IRAK3: variants seen among roughly 807,000 people sequenced by gnomAD.
The protein encoded by IRAK3 is interleukin 1 receptor associated kinase 3, also known as interleukin-1 receptor-associated kinase 3.
IRAK3 carries 57 observed loss-of-function variants against 56.6 expected under a neutral mutation model. The observed-to-expected ratio is 1.01, with a 90% CI of 0.81 to 1.26. The LOEUF (loss-of-function observed/expected upper bound fraction) is 1.26, where lower values mean the gene tolerates loss of function less well. Ranked by LOEUF, IRAK3 falls within the 50% of genes most tolerant of loss-of-function variation. The pLI is 0.00. For synonymous variants in IRAK3, 258 were observed against 255.7 expected (o/e 1.01, Z -0.09); for missense variants, 703 against 719.0 (o/e 0.98, Z 0.25).
chr12:66,222,268 G>A (rs939917927), intron 6 of IRAK3, among the ~76,000 whole-genome samples: 1 of 152,088 alleles, frequency 6.6e-6, no homozygotes, highest in East Asian at 1.9e-4. Context: ...TTCTTTAAAT[G>A]CTTGTTAGAA....
intron 5 of IRAK3, among the ~76,000 whole-genome samples, chr12:66,216,657 C>T (rs1325416936): frequency 6.6e-6 from 1 of 152,280 alleles, no homozygotes; most frequent in Non-Finnish European, 1.5e-5. Context: ...AGGCTCTGGG[C>T]TATCTTCTAA....
At chr12:66,220,440 A>G (rs2052718941) in intron 6 of IRAK3, among the ~76,000 whole-genome samples, 1 of 146,662 alleles carries the variant, frequency 6.8e-6, no homozygotes. Flanking sequence ...CCGGTGCCAT[A>G]CTGTTTTTAT....
At chr12:66,214,880 G>C (rs2052653278) in intron 5 of IRAK3, among the ~76,000 whole-genome samples, 2 of 152,214 alleles carry the variant, frequency 1.3e-5, no homozygotes, top group South Asian at 4.1e-4. Flanking sequence ...GAGAAAGCAT[G>C]TCTAAGAGAC....
intron 1 of IRAK3, among the ~76,000 whole-genome samples, chr12:66,189,958 G>C (rs748297969): frequency 6.6e-6 from 1 of 152,080 alleles, no homozygotes; most frequent in Non-Finnish European, 1.5e-5. Context: ...ACCCAATTTC[G>C]TTGAATGAAG....
At chr12:66,247,031 A>AG (rs1346840704) in intron 11 of IRAK3, among the ~76,000 whole-genome samples, 1 of 152,176 alleles carries the variant, frequency 6.6e-6, no homozygotes, top group Non-Finnish European at 1.5e-5. Context: ...GCACTTTGAG[A>AG]GTCTGAGGTG....
chr12:66,243,286 T>C (rs1006261212), intron 8 of IRAK3, among the ~76,000 whole-genome samples: 4 of 152,218 alleles, frequency 2.6e-5, no homozygotes, highest in African/African-American at 9.6e-5. Context: ...CCTACCTGTA[T>C]AGGGATAGCA....
chr12:66,212,357 A>G (rs1377092545), intron 5 of IRAK3, among the ~76,000 whole-genome samples: 3 of 152,228 alleles, frequency 2.0e-5, no homozygotes, highest in Non-Finnish European at 4.4e-5. Flanking sequence ...GTAGGAGGTC[A>G]GAAGACAGTT....
chr12:66,231,592 G>A (rs190494011), intron 8 of IRAK3, among the ~76,000 whole-genome samples: 1 of 152,324 alleles, frequency 6.6e-6, no homozygotes, highest in Non-Finnish European at 1.5e-5. Flanking sequence ...GCTTCCTCTC[G>A]TTAGAGAGTT....
At chr12:66,227,576 CATAAATAAATAA>C (rs376888092) in intron 7 of IRAK3, among the ~76,000 whole-genome samples, 1 of 126,566 alleles carries the variant, frequency 7.9e-6, no homozygotes, top group African/African-American at 2.6e-5. Flanking sequence ...GAGACTCTGT[CATAAATAAATAA>C]ATAAATAAAT....
In IRAK3 at chr12:66,248,106, C is replaced by A. The variant is rs1337768547; in HGVS notation, c.1726C>A (p.Pro576Thr). The change falls in exon 12 of 12, where the codon CCA becomes ACA. Residue 576 changes from proline to threonine, a missense_variant. Coordinates refer to ENST00000261233, the MANE Select transcript of IRAK3 (RefSeq NM_007199.3). ...EAPGHSCRSR[P>T]VESSCSSKFS... ...TCCAGGGCATTCTTGCAGGAGCAGG[C>A]CAGTGGAGAGCAGCTGTTCCTCCAA... 6.2e-7 allele frequency: 1 copy of A among 1,609,556 alleles called. No individual in the cohort carries two copies. The highest frequency in any genetic ancestry group is 2.2e-5 in the East Asian group (1 of 44,880).
chr12:66,211,454 C>T lies in IRAK3; in HGVS notation c.445C>T (p.Leu149Phe). 6.3e-7 allele frequency: 1 copy of T among 1,596,570 alleles called. No individual in the cohort carries two copies. ...CTACTTTCCTTCCTAAGGAATACTG[C>T]TTAAATCTTCCATCAGCTTTCAAAA... Reference protein sequence around the residue: ...IPEHNEKGILLKSSISFQNII... With the variant: ...IPEHNEKGILFKSSISFQNII... Residue 149 changes from leucine (L) to phenylalanine (F), a missense_variant, in exon 5 of 12, where the codon CTT becomes TTT. Coordinates refer to ENST00000261233, the MANE Select transcript of IRAK3 (RefSeq NM_007199.3).
At chr12:66,233,560 C>T (rs1037098780) in intron 8 of IRAK3, among the ~76,000 whole-genome samples, 2 of 151,564 alleles carry the variant, frequency 1.3e-5, no homozygotes, top group African/African-American at 4.8e-5. Context: ...GAGACACTGA[C>T]GGCAACACTG....
Position 66,244,930 on chromosome 12 carries a change from T to G in IRAK3, c.1087-18T>G. 6.4e-7 allele frequency: 1 copy of G among 1,572,880 alleles called. No individual in the cohort carries two copies. Among genetic ancestry groups the G allele is most frequent in the Non-Finnish European group, 8.8e-7 (1 of 1,142,650 alleles). On this transcript the variant is annotated intron_variant, in intron 9 of 11. Transcript: ENST00000261233. ...TATTTTTAAGATATATAGCTGACTTTCTATATATTCCTTGTAGGTAATAAT... is the reference window on the plus strand; with the variant it reads ...TATTTTTAAGATATATAGCTGACTTGCTATATATTCCTTGTAGGTAATAAT...
chr12:66,244,767 C>CT lies in IRAK3; in HGVS notation c.1086+87dup, dbSNP rs564879129. ...CTAAGAATTTTTTAAAGAGTTTTAA[C>CT]TTTTGACTCATTGATTTCCTGTTAG... On this transcript the variant is annotated intron_variant, in intron 9 of 11. Coordinates refer to ENST00000261233, the MANE Select transcript of IRAK3 (RefSeq NM_007199.3). 342 of 1,289,412 alleles carry CT rather than the reference C, an allele frequency of 2.7e-4. 2 individuals are homozygous for CT. In the South Asian group the frequency reaches 3.9e-3, roughly 15 times the overall value. 79.9% of individuals were successfully genotyped at this position (1,289,412 alleles called of 1,614,324 possible).
chr12:66,209,385 GAGTCTCAGAA>G (rs2052590321), intron 2 of IRAK3, 61 bp from the exon 3 acceptor site: 3 of 840,658 alleles, frequency 3.6e-6, no homozygotes, highest in Admixed American at 1.7e-5. Flanking sequence ...TTTATTTTCA[GAGTCTCAGAA>G]AGGAAAAACA....
chr12:66,239,691 G>A (rs1004866570), intron 8 of IRAK3, among the ~76,000 whole-genome samples: 1 of 151,966 alleles, frequency 6.6e-6, no homozygotes, highest in Non-Finnish European at 1.5e-5. Flanking sequence ...GATTTTTCCT[G>A]TTTTCCCCCA....
rs1186504043 is a variant in IRAK3, at chr12:66,226,799, A to T, written c.730A>T (p.Met244Leu). The change falls in exon 7 of 12, where the codon ATG (methionine) becomes TTG (leucine). Residue 244 changes from methionine (M) to leucine (L), a missense_variant. Coordinates refer to ENST00000261233, the MANE Select transcript of IRAK3 (RefSeq NM_007199.3). ...GAAGTTCTGTCTGATTTATCCATAC[A>T]TGAGAAATGGAACACTTTTTGACAG... Reference protein sequence around the residue: ...TEKFCLIYPYMRNGTLFDRLQ... With the variant: ...TEKFCLIYPYLRNGTLFDRLQ... The T allele has an allele frequency of 3.1e-6, 5 of 1,606,580 alleles. No individual in the cohort carries two copies. Among genetic ancestry groups the T allele is most frequent in the Non-Finnish European group, 3.4e-6 (4 of 1,173,188 alleles).
At chr12:66,212,520 G>A (rs1163504739) in intron 5 of IRAK3, among the ~76,000 whole-genome samples, 1 of 152,146 alleles carries the variant, frequency 6.6e-6, no homozygotes, top group African/African-American at 2.4e-5. Context: ...CTCTTATATG[G>A]ACTGGGTGCT....
intron 8 of IRAK3, among the ~76,000 whole-genome samples, chr12:66,239,252 A>G (rs769082045): frequency 1.3e-5 from 2 of 151,778 alleles, no homozygotes; most frequent in African/African-American, 2.4e-5. Context: ...TACAAGGGAA[A>G]TGGTCTAGGA....
Sources: allele counts gnomAD v4.1 joint callset (sites outside exome capture counted in the v4.1 genomes callset), GRCh38; gene constraint gnomAD v4.1.1; transcripts MANE v1.5; gene names NCBI Gene and HGNC (gene_info 2026-07-23, HGNC 2026-07-21).